Variants in MED23 observed in about 807,000 individuals in gnomAD.
The protein encoded by MED23 is mediator of RNA polymerase II transcription subunit 23.
Under a neutral mutation model 163.9 loss-of-function variants are expected in MED23, and 105 were observed. The ratio of observed to expected loss-of-function variants is 0.64; its 90% CI spans 0.55 to 0.75. The LOEUF is 0.75. MED23 is among the 30% of genes least tolerant of loss of function. The pLI is 0.00. For missense variants in MED23, 1,054 were observed against 1,649.0 expected (o/e 0.64, Z 6.25); for synonymous variants, 561 against 565.6 (o/e 0.99, Z 0.12).
At chr6:131,613,905 T>C (rs1454374297) in intron 10 of MED23, among the ~76,000 whole-genome samples, 1 of 152,142 alleles carries the variant, frequency 6.6e-6, no homozygotes, top group African/African-American at 2.4e-5. Flanking sequence ...AAGCTTAGGA[T>C]AGCTAAGGAT....
Position 131,586,966 on chromosome 6 carries a change from AAAAG to A in MED23, c.*709_*712del. 1 of 1,490,922 alleles carries A rather than the reference AAAAG, an allele frequency of 6.7e-7. No individual in the cohort carries two copies. Among genetic ancestry groups the A allele is most frequent in the Non-Finnish European group, 9.0e-7 (1 of 1,116,390 alleles). The allele number at this position is 1,490,922 out of a possible 1,614,324, so 92.4% of individuals were successfully genotyped here. On this transcript the variant is annotated 3_prime_UTR_variant, in exon 29 of 29. Coordinates refer to ENST00000368068, the MANE Select transcript of MED23 (RefSeq NM_004830.4). ...CAAAAGCAATTAACTTATTTTTAAA[AAAAG>A]AAATTGGAGAATCAACCATTTAAGC...
chr6:131,607,850 C>A, intron 12 of MED23, 78 bp downstream of exon 12: 1 of 1,499,158 alleles, frequency 6.7e-7, no homozygotes, highest in East Asian at 2.3e-5. Flanking sequence ...TACACAAAAT[C>A]ACACTAAAAT....
rs576957494 is a variant in MED23, at chr6:131,613,076, T to C, written c.877-2830A>G. Among the ~76,000 whole-genome samples, 19 of 146,404 alleles carry C rather than the reference T, an allele frequency of 1.3e-4. No individual in the cohort carries two copies. In the South Asian group the frequency reaches 4.1e-3, roughly 31 times the overall value. On this transcript the variant is annotated intron_variant, in intron 10 of 28. Coordinates refer to ENST00000368068, the MANE Select transcript of MED23 (RefSeq NM_004830.4). ...TCTTTCAAAATCATATTCTCTGCTT[T>C]AACCAAGAAAGTTACCCATAATCAG... is the stretch of plus-strand genomic sequence containing the variant.
chr6:131,611,936 C>T (rs1340819453), intron 10 of MED23, among the ~76,000 whole-genome samples: 1 of 152,062 alleles, frequency 6.6e-6, no homozygotes, highest in African/African-American at 2.4e-5. Context: ...ACTGGATTTT[C>T]ACCTACATAT....
At chr6:131,610,370 G>A in intron 10 of MED23, 124 bp from the exon 11 acceptor site, 4 of 897,178 alleles carry the variant, frequency 4.5e-6, no homozygotes, top group South Asian at 1.4e-5. Flanking sequence ...AACTTAAGAA[G>A]TCAAGGTTAG....
At chr6:131,591,803 C>A (rs1774658633) in intron 25 of MED23, 1 of 441,204 alleles carries the variant, frequency 2.3e-6, no homozygotes, top group African/African-American at 2.0e-5. Context: ...AACAATAAAT[C>A]TATAGCTTTA....
chr6:131,610,375 G>GTT lies in MED23; in HGVS notation c.877-130_877-129insAA, dbSNP rs1379115316. 5 of 875,402 alleles carry GTT rather than the reference G, an allele frequency of 5.7e-6. No individual in the cohort carries two copies. In the African/African-American group the frequency reaches 8.3e-5, roughly 15 times the overall value. 54.2% of individuals were successfully genotyped at this position (875,402 alleles called of 1,614,324 possible). Reference sequence around the variant, plus strand: ...AATGAAGTTGAACTTAAGAAGTCAAGGTTAGATTTAGTCTATTAAAGCTGC... The same window carrying GTT: ...AATGAAGTTGAACTTAAGAAGTCAAGTTGTTAGATTTAGTCTATTAAAGCTGC... On this transcript the variant is annotated intron_variant, in intron 10 of 28. Transcript: ENST00000368068.
Position 131,595,834 on chromosome 6 carries a change from A to G in MED23, c.2995+113T>C, listed in dbSNP as rs1210337628. On this transcript the variant is annotated intron_variant, in intron 22 of 28. Coordinates refer to ENST00000368068, the MANE Select transcript of MED23 (RefSeq NM_004830.4). ...ATAGTACTTATCCTCAAAACACTTC[A>G]TTTTTAAAATATTTAAAATAAAACC... is the stretch of plus-strand genomic sequence containing the variant. 8.8e-6 allele frequency: 7 copies of G among 795,674 alleles called. No individual in the cohort carries two copies. In the Admixed American group the frequency reaches 1.6e-4, roughly 18 times the overall value. 49.3% of individuals were successfully genotyped at this position (795,674 alleles called of 1,614,324 possible). A position where few individuals can be genotyped will look rare whatever the true frequency, so the allele number is the denominator to read the frequency against.
rs769896454 is a variant in MED23, at chr6:131,610,238, C to T, written c.885G>A (p.Gln295=). The T allele has an allele frequency of 1.9e-6, 3 of 1,613,646 alleles. No individual in the cohort carries two copies. The highest frequency in any genetic ancestry group is 4.5e-5 in the East Asian group (2 of 44,866). ...NMLGLNKQHK[Q]RCPVLEDQLV... The stretch of plus-strand genomic sequence containing the variant: ...ACTGGTCCTCCAGCACAGGGCAGCG[C>T]TGCTTGTGCTGTAGGGCAGAGATTA... The change falls in exon 11 of 29, where the codon CAG becomes CAA. Residue 295 remains glutamine (Q), a synonymous_variant. Coordinates refer to ENST00000368068, the MANE Select transcript of MED23 (RefSeq NM_004830.4).
intron 24 of MED23, chr6:131,592,796 A>T: frequency 1.6e-6 from 1 of 629,360 alleles, no homozygotes; most frequent in South Asian, 2.0e-5. Flanking sequence ...ATTAATGAGT[A>T]GAAGTAGGAA....
At chr6:131,590,987 T>A (rs1774577106) in intron 26 of MED23, among the ~76,000 whole-genome samples, 1 of 143,180 alleles carries the variant, frequency 7.0e-6, no homozygotes, top group African/African-American at 2.8e-5. Flanking sequence ...AAATACAATT[T>A]TTTTTTTTTT....
In MED23 at chr6:131,591,321, G is replaced by C. The variant is rs755765025; in HGVS notation, c.3678C>G (p.Leu1226=). 1 of 1,608,740 alleles carries C rather than the reference G, an allele frequency of 6.2e-7. No homozygotes were observed. Among genetic ancestry groups the C allele is most frequent in the Admixed American group, 1.7e-5 (1 of 60,014 alleles). Residue 1226 remains leucine (L), a synonymous_variant, in exon 26 of 29, where the codon CTC becomes CTG. Coordinates refer to ENST00000368068, the MANE Select transcript of MED23 (RefSeq NM_004830.4). ...WHHSSIGQLS[L]IPKFLTEVLL... ...GAAATTATTATACTTACTTTGGAAT[G>C]AGAGAAAGTTGTCCGATGCTAGAAT...
At chr6:131,620,000 G>A in intron 7 of MED23, 104 bp from the exon 8 acceptor site, 2 of 768,676 alleles carry the variant, frequency 2.6e-6, no homozygotes, top group South Asian at 2.8e-5. Context: ...GATAATATAT[G>A]TAAAGATTGC....
At position 131,598,090 on chromosome 6, in the gene MED23, AAAAAACAAACAAAAAAAC is replaced by A. The variant is rs552491120; in HGVS notation, c.2607+179_2607+196del. 1.3e-5 allele frequency among the ~76,000 whole-genome samples: 2 copies of A among 152,054 alleles called. No homozygotes were observed. Among genetic ancestry groups the A allele is most frequent in the African/African-American group, 2.4e-5 (1 of 41,310 alleles). ...GGGCGACAGAGCGAGACCCTGTCTC[AAAAAACAAACAAAAAAAC>A]AAAAACAAACAAAAACAGAAATTGG... is the stretch of plus-strand genomic sequence containing the variant. On this transcript the variant is annotated intron_variant, in intron 20 of 28. Transcript: ENST00000368068. This position sits in a 1 kb window ranked among gnomAD's most constrained non-coding sequence, Gnocchi z 4.7.
chr6:131,610,392 T>C, intron 10 of MED23, 146 bp from the exon 11 acceptor site: 1 of 763,318 alleles, frequency 1.3e-6, no homozygotes, highest in East Asian at 2.7e-5. Context: ...TTTAGTCTAT[T>C]AAAGCTGCAT....
At chr6:131,607,212 C>A (rs1196347305) in intron 12 of MED23, among the ~76,000 whole-genome samples, 1 of 150,924 alleles carries the variant, frequency 6.6e-6, no homozygotes, top group Non-Finnish European at 1.5e-5. Context: ...GGGGTTACAG[C>A]TAGTGCATGG....
intron 6 of MED23, among the ~76,000 whole-genome samples, chr6:131,621,208 T>A (rs868083261): frequency 6.6e-6 from 1 of 152,146 alleles, no homozygotes; most frequent in African/African-American, 2.4e-5. Flanking sequence ...AAATTTCACT[T>A]TGACAAGAGG....
chr6:131,595,827 A>C, intron 22 of MED23, 120 bp downstream of exon 22: 1 of 762,562 alleles, frequency 1.3e-6, no homozygotes, highest in South Asian at 1.6e-5. Flanking sequence ...TATCCTCAAA[A>C]CACTTCATTT....
chr6:131,604,789 A>AATG (rs1334142911), intron 14 of MED23, among the ~76,000 whole-genome samples: 1 of 152,218 alleles, frequency 6.6e-6, no homozygotes, highest in Non-Finnish European at 1.5e-5. Context: ...AAAAGAGCAT[A>AATG]GCTCTACCAG....
Sources: gnomAD v4.1 joint callset for allele counts (sites outside exome capture counted in the v4.1 genomes callset) on GRCh38, gnomAD v4.1.1 for gene constraint, Gnocchi (gnomAD v3.1) non-coding constraint, MANE v1.5 for transcripts, NCBI Gene and HGNC (gene_info 2026-07-23, HGNC 2026-07-21) for gene names.